The following WDR13 variants were observed in gnomAD, a reference collection of about 807,000 sequenced individuals.
WDR13 encodes WD repeat domain 13.
A neutral mutation model predicts 28.6 loss-of-function variants in WDR13; 1 was observed. The observed-to-expected ratio is 0.03, with a 90% confidence interval of 0.01 to 0.17. The LOEUF is 0.17. WDR13 is among the 10% of genes least tolerant of loss of function. WDR13 has a pLI of 1.00. For synonymous variants in WDR13, 201 were observed against 185.9 expected, an observed-to-expected ratio of 1.08 and a Z score of -0.66; for missense variants, 264 against 469.3, an observed-to-expected ratio of 0.56 and a Z score of 4.04.
chrX:48,602,139 G>A lies in WDR13; in HGVS notation c.1087G>A (p.Val363Ile), dbSNP rs371837941. Residue 363 changes from valine to isoleucine, a missense_variant, in exon 8 of 10, where the codon GTC (valine) becomes ATC (isoleucine). Around this residue, in one of 4 missense-constraint regions of WDR13, gnomAD observed 157 missense variants for 270.2 expected, o/e 0.58. Transcript: ENST00000376729. ...PVTSISARSWVSREARDPSLL... is the reference protein window; with the variant it reads ...PVTSISARSWISREARDPSLL... ...GACCAGCATCTCAGCCCGGTCCTGGGTCAGCCGCGAGGCCCGGGATCCCTC... is the reference window on the plus strand; with the variant it reads ...GACCAGCATCTCAGCCCGGTCCTGGATCAGCCGCGAGGCCCGGGATCCCTC... The A allele has an allele frequency of 9.1e-6, 11 of 1,211,702 alleles. No homozygotes were observed. The highest frequency in any genetic ancestry group is 1.2e-5 in the Non-Finnish European group (11 of 895,435).
chrX:48,598,061 TG>T, intron 2 of WDR13, 24 bp downstream of exon 2: 1 of 1,163,157 alleles, frequency 8.6e-7, no homozygotes. Context: ...TCAAAGCCCA[TG>T]GGAGCAGAAC....
intron 6 of WDR13, 89 bp downstream of exon 6, chrX:48,600,715 C>A: frequency 9.5e-7 from 1 of 1,057,716 alleles, no homozygotes; most frequent in Non-Finnish European, 1.3e-6. Context: ...GAGGGACAGC[C>A]AGGGGGGGCC....
intron 9 of WDR13, 98 bp from the exon 10 acceptor site, chrX:48,604,750 C>G: frequency 4.0e-6 from 4 of 999,143 alleles, no homozygotes; most frequent in South Asian, 4.6e-5. Context: ...GACCTCACAC[C>G]TCGGACATAC....
At position 48,601,780 on chromosome X, in the gene WDR13, A is replaced by T; in HGVS notation, c.832-4A>T. On this transcript the variant is annotated splice_polypyrimidine_tract_variant and splice_region_variant and intron_variant, in intron 6 of 9. Coordinates refer to ENST00000376729, the MANE Select transcript of WDR13 (RefSeq NM_001347217.2). ...GGATGATGGTCTGTGCATTCTCCCC[A>T]CAGGTGGGGAACGCCAAGCACAACG... 1 of 1,163,198 alleles carries T rather than the reference A, an allele frequency of 8.6e-7. No individual in the cohort carries two copies. The highest frequency in any genetic ancestry group is 1.8e-5 in the African/African-American group (1 of 56,643).
chrX:48,599,387 G>C lies in WDR13; in HGVS notation c.317G>C (p.Arg106Pro). Residue 106 changes from arginine to proline, a missense_variant, in exon 4 of 10, where the codon CGT becomes CCT. Coordinates refer to ENST00000376729, the MANE Select transcript of WDR13 (RefSeq NM_001347217.2). Reference sequence around the variant, plus strand: ...GATGATCCTCGGGCCCTGGGGGCCCGTGGGCACCGTCGTTCTGTCAGCAGA... The same window carrying C: ...GATGATCCTCGGGCCCTGGGGGCCCCTGGGCACCGTCGTTCTGTCAGCAGA... The part of the protein sequence containing the change: ...FEDDPRALGA[R>P]GHRRSVSRGS... 8.3e-7 allele frequency: 1 copy of C among 1,208,192 alleles called. No homozygotes were observed. Among genetic ancestry groups the C allele is most frequent in the Non-Finnish European group, 1.1e-6 (1 of 893,689 alleles).
At position 48,605,237 on chromosome X, in the gene WDR13, C is replaced by A; in HGVS notation, c.*205C>A. The stretch of plus-strand genomic sequence containing the variant: ...GCATTCATGCATCGACGGATTCATT[C>A]ATTCCACAAGCATTGATTGAATGTC... On this transcript the variant is annotated 3_prime_UTR_variant, in exon 10 of 10. Coordinates refer to ENST00000376729, the MANE Select transcript of WDR13 (RefSeq NM_001347217.2). 1 of 452,169 alleles carries A rather than the reference C, an allele frequency of 2.2e-6. No individual in the cohort carries two copies. 37.3% of individuals were successfully genotyped at this position (452,169 alleles called of 1,213,427 possible).
At position 48,607,420 on chromosome X, in the gene WDR13, T is replaced by C. The variant is rs1222707619; in HGVS notation, c.*2388T>C. 1.2e-5 allele frequency: 1 copy of C among 81,805 alleles called. No individual in the cohort carries two copies. The highest frequency in any genetic ancestry group is 4.5e-5 in the African/African-American group (1 of 22,003). The allele number at this position is 81,805 out of a possible 1,213,427, so 6.7% of individuals were successfully genotyped here. ...TCTTGCTCTGACGCCCAGGCTGGAA[T>C]GCAGTGGCATGATCTTGGCTCACTG... On this transcript the variant is annotated 3_prime_UTR_variant, in exon 10 of 10. Coordinates refer to ENST00000376729, the MANE Select transcript of WDR13 (RefSeq NM_001347217.2).
At position 48,608,196 on chromosome X, in the gene WDR13, T is replaced by C. The variant is rs1556996391; in HGVS notation, c.*3164T>C. 1.9e-5 allele frequency: 2 copies of C among 107,572 alleles called. No homozygotes were observed. The highest frequency in any genetic ancestry group is 6.8e-5 in the African/African-American group (2 of 29,276). 8.9% of individuals were successfully genotyped at this position (107,572 alleles called of 1,213,427 possible). A position where few individuals can be genotyped will look rare whatever the true frequency, so the allele number is the denominator to read the frequency against. ...TGGAGTGCAGTGGCTCAAACATGGTTCGCTGCAGCCTCAACCTCCCAGGCT... is the reference window on the plus strand; with the variant it reads ...TGGAGTGCAGTGGCTCAAACATGGTCCGCTGCAGCCTCAACCTCCCAGGCT... On this transcript the variant is annotated 3_prime_UTR_variant, in exon 10 of 10. Coordinates refer to ENST00000376729, the MANE Select transcript of WDR13 (RefSeq NM_001347217.2).
At position 48,608,688 on chromosome X, in the gene WDR13, G is replaced by A. The variant is rs1258955962; in HGVS notation, c.*3656G>A. The A allele has an allele frequency of 5.4e-5, 6 of 111,607 alleles. No homozygotes were observed. In the Admixed American group the frequency reaches 5.7e-4, roughly 11 times the overall value. The allele number at this position is 111,607 out of a possible 1,213,427, so 9.2% of individuals were successfully genotyped here. A position where few individuals can be genotyped will look rare whatever the true frequency, so the allele number is the denominator to read the frequency against. ...CTCTTCACATTGTCTATTGAGTCTG[G>A]ATTCAAGATGATTGATTGTGAATAT... On this transcript the variant is annotated 3_prime_UTR_variant, in exon 10 of 10. Transcript: ENST00000376729.
chrX:48,600,877 C>T (rs888243388), intron 6 of WDR13: 29 of 385,173 alleles, frequency 7.5e-5, no homozygotes, highest in Admixed American at 3.2e-4. Context: ...GGGCGGATCA[C>T]GAGGTCAGGA....
At chrX:48,601,644 C>T in intron 6 of WDR13, 140 bp from the exon 7 acceptor site, 1 of 606,051 alleles carries the variant, frequency 1.7e-6, no homozygotes, top group Non-Finnish European at 2.4e-6. Context: ...TGCCTGGTCA[C>T]CTTGTCTACC....
At position 48,600,096 on chromosome X, in the gene WDR13, A is replaced by G. The variant is rs1270893900; in HGVS notation, c.524-223A>G. 27 of 428,915 alleles carry G rather than the reference A, an allele frequency of 6.3e-5. No individual in the cohort carries two copies. The African/African-American group carries it at 6.7e-4, about 11-fold the overall frequency. 35.3% of individuals were successfully genotyped at this position (428,915 alleles called of 1,213,427 possible). ...AGACAGGAACTTTTTCATGTTGCAGAAGACTTTTGCAATCTGCAAAGGAGC... is the reference window on the plus strand; with the variant it reads ...AGACAGGAACTTTTTCATGTTGCAGGAGACTTTTGCAATCTGCAAAGGAGC... On this transcript the variant is annotated intron_variant, in intron 5 of 9. Transcript: ENST00000376729.
chrX:48,603,014 A>G (rs1318045697), intron 8 of WDR13, among the ~76,000 whole-genome samples: 1 of 109,886 alleles, frequency 9.1e-6, no homozygotes. Context: ...ACATATATCC[A>G]TGTATGTTTT....
intron 5 of WDR13, chrX:48,600,035 C>T (rs782105832): frequency 9.7e-5 from 40 of 413,070 alleles, no homozygotes; most frequent in Non-Finnish European, 1.3e-4. Flanking sequence ...AAGGGTTTTG[C>T]AAATTGCCAA....
Position 48,600,488 on chromosome X carries a change from C to T in WDR13, c.693C>T (p.Ile231=). 1 of 1,212,470 alleles carries T rather than the reference C, an allele frequency of 8.2e-7. No individual in the cohort carries two copies. ...SDFAWSLSND[I]LVSTSLDATM... is the part of the protein sequence containing the mutation. The stretch of plus-strand genomic sequence containing the variant: ...TCGCCTGGTCCCTCTCCAATGACAT[C>T]CTCGTGTCCACCTCACTGGATGCCA... The change falls in exon 6 of 10, where the codon ATC becomes ATT. Residue 231 remains isoleucine, a synonymous_variant. Coordinates refer to ENST00000376729, the MANE Select transcript of WDR13 (RefSeq NM_001347217.2).
rs182668671 is a variant in WDR13, at chrX:48,605,215, T to C, written c.*183T>C. ...CGGGGTTCATTGACTCATTTGTGCA[T>C]TCATGCATCGACGGATTCATTCATT... On this transcript the variant is annotated 3_prime_UTR_variant, in exon 10 of 10. Transcript: ENST00000376729. 169 of 480,548 alleles carry C rather than the reference T, an allele frequency of 3.5e-4. 1 individual carries two copies. In the African/African-American group the frequency reaches 3.8e-3, roughly 11 times the overall value. The allele number at this position is 480,548 out of a possible 1,213,427, so 39.6% of individuals were successfully genotyped here.
At chrX:48,602,664 G>T (rs1189870150) in intron 8 of WDR13, among the ~76,000 whole-genome samples, 1 of 107,454 alleles carries the variant, frequency 9.3e-6, no homozygotes, top group Non-Finnish European at 1.9e-5. Context: ...AAAAACTCCT[G>T]TCTGGGCCCC....
intron 2 of WDR13, 58 bp from the exon 3 acceptor site, chrX:48,598,659 A>T: frequency 5.7e-5 from 18 of 318,232 alleles, no homozygotes; most frequent in East Asian, 3.5e-4. Flanking sequence ...CCCCCCCCCG[A>T]GCTGATTGAT....
At position 48,598,653 on chromosome X, in the gene WDR13, C is replaced by CG. The variant is rs1404819738; in HGVS notation, c.42-64_42-63insG. On this transcript the variant is annotated intron_variant, in intron 2 of 9. Transcript: ENST00000376729. Reference sequence around the variant, plus strand: ...ACCTCACTCTCCTGCCGTACCCCCCCCCCCGAGCTGATTGATTCCCTCTGT... The same window carrying CG: ...ACCTCACTCTCCTGCCGTACCCCCCCGCCCCGAGCTGATTGATTCCCTCTGT... 116 of 965,501 alleles carry CG rather than the reference C, an allele frequency of 1.2e-4. 2 individuals carry two copies. In the African/African-American group the frequency reaches 2.1e-3, roughly 17 times the overall value. The allele number at this position is 965,501 out of a possible 1,213,427, so 79.6% of individuals were successfully genotyped here. A position where few individuals can be genotyped will look rare whatever the true frequency, so the allele number is the denominator to read the frequency against.
Sources: allele counts gnomAD v4.1 joint callset (sites outside exome capture counted in the v4.1 genomes callset), GRCh38; gene constraint gnomAD v4.1.1; regional missense constraint gnomAD v4.1.1; transcripts MANE v1.5; gene names NCBI Gene and HGNC (gene_info 2026-07-23, HGNC 2026-07-21).